BMERB1: variants seen among roughly 807,000 people sequenced by gnomAD.
The protein encoded by BMERB1 is bMERB domain containing 1.
In BMERB1, 12 loss-of-function variants were observed where a neutral mutation model predicts 23.6. That is an observed-to-expected ratio of 0.51 (90% CI 0.33 to 0.82). The LOEUF is 0.82. Ranked by LOEUF, BMERB1 falls within the 40% of genes least tolerant of loss-of-function variation. BMERB1 has a pLI of 0.03. For synonymous variants in BMERB1, 122 were observed against 96.6 expected, an observed-to-expected ratio of 1.26 and a Z score of -1.54; for missense variants, 247 against 255.4, an observed-to-expected ratio of 0.97 and a Z score of 0.22.
In BMERB1 at chr16:15,584,239, A is replaced by G. The variant is rs1417923558; in HGVS notation, c.502+1001A>G. ...TTTCTCAAATGTGTTTAACTGCTGTATTAGTGAGGCCTCTTTCAGTTAGAA... is the reference window on the plus strand; with the variant it reads ...TTTCTCAAATGTGTTTAACTGCTGTGTTAGTGAGGCCTCTTTCAGTTAGAA... On this transcript the variant is annotated intron_variant, in intron 5 of 5. Transcript: ENST00000300006. 10 of 553,150 alleles carry G rather than the reference A, an allele frequency of 1.8e-5. No homozygotes were observed. In the East Asian group the frequency reaches 2.1e-4, roughly 12 times the overall value. The allele number at this position is 553,150 out of a possible 1,614,324, so 34.3% of individuals were successfully genotyped here.
At chr16:15,491,771 A>G (rs1243182055) in intron 1 of BMERB1, among the ~76,000 whole-genome samples, 1 of 152,138 alleles carries the variant, frequency 6.6e-6, no homozygotes, top group Admixed American at 6.5e-5. Context: ...TCTGCTGGTC[A>G]TTCAGTGTCA....
intron 1 of BMERB1, among the ~76,000 whole-genome samples, chr16:15,505,192 T>C (rs1299175955): frequency 6.6e-6 from 1 of 152,098 alleles, no homozygotes; most frequent in African/African-American, 2.4e-5. Context: ...TTAAGACCTT[T>C]CCAACGCAAA....
chr16:15,452,298 AAAG>A (rs1220449942), intron 1 of BMERB1, among the ~76,000 whole-genome samples: 4 of 136,128 alleles, frequency 2.9e-5, no homozygotes, highest in Non-Finnish European at 4.8e-5. Flanking sequence ...AAAAAAAAGA[AAAG>A]AAGGAAGGAA....
chr16:15,549,779 G>T (rs1183149061), intron 2 of BMERB1, among the ~76,000 whole-genome samples: 1 of 152,142 alleles, frequency 6.6e-6, no homozygotes, highest in Non-Finnish European at 1.5e-5. Context: ...TCGCAGTAGG[G>T]AGTCCATGGT....
At chr16:15,443,716 G>A (rs569303338) in intron 1 of BMERB1, among the ~76,000 whole-genome samples, 53 of 152,098 alleles carry the variant, frequency 3.5e-4, no homozygotes, top group Admixed American at 1.2e-3. Flanking sequence ...TCAGGAGTTC[G>A]AGACCAGCCT....
At chr16:15,482,686 G>A (rs369944099) in intron 1 of BMERB1, among the ~76,000 whole-genome samples, 36 of 152,258 alleles carry the variant, frequency 2.4e-4, no homozygotes, top group African/African-American at 7.5e-4. Context: ...GGGGGCTGCC[G>A]TGTAGGATTC....
chr16:15,535,254 G>A (rs1468977853), intron 2 of BMERB1, among the ~76,000 whole-genome samples: 1 of 152,182 alleles, frequency 6.6e-6, no homozygotes, highest in Non-Finnish European at 1.5e-5. Context: ...TAGAGGCTGA[G>A]GTGGGAGGAT....
intron 3 of BMERB1, among the ~76,000 whole-genome samples, chr16:15,571,313 A>G (rs1356991160): frequency 6.6e-6 from 1 of 152,128 alleles, no homozygotes; most frequent in South Asian, 2.1e-4. Context: ...TCACTATACC[A>G]AAAGGAAAAG....
intron 1 of BMERB1, among the ~76,000 whole-genome samples, chr16:15,489,953 G>A (rs1463902334): frequency 2.0e-5 from 3 of 151,814 alleles, no homozygotes; most frequent in African/African-American, 4.8e-5. Context: ...TGCAAGCTAC[G>A]CCTCCCGGGT....
chr16:15,502,426 G>A, intron 1 of BMERB1: 1 of 1,450,102 alleles, frequency 6.9e-7, no homozygotes, highest in Non-Finnish European at 9.5e-7. Flanking sequence ...GAGGCAGGCT[G>A]GGAGAAATCG....
intron 1 of BMERB1, among the ~76,000 whole-genome samples, chr16:15,484,144 A>G (rs537316978): frequency 2.0e-5 from 3 of 152,316 alleles, no homozygotes; most frequent in Admixed American, 6.5e-5. Flanking sequence ...ACATGGCATG[A>G]AGCCATTCAC....
chr16:15,511,193 T>C (rs2051660042), intron 1 of BMERB1, among the ~76,000 whole-genome samples: 1 of 151,948 alleles, frequency 6.6e-6, no homozygotes, highest in Admixed American at 6.6e-5. Context: ...CATGAGACAT[T>C]TCCTACAAAT....
At chr16:15,570,976 C>T (rs1419629509) in intron 3 of BMERB1, among the ~76,000 whole-genome samples, 3 of 151,534 alleles carry the variant, frequency 2.0e-5, no homozygotes, top group Non-Finnish European at 4.4e-5. Context: ...TCACTTTCAT[C>T]GCCATCTTGG....
rs748229986 is a variant in BMERB1, at chr16:15,586,863, C to T, written c.*34C>T. On this transcript the variant is annotated 3_prime_UTR_variant, in exon 6 of 6. Transcript: ENST00000300006. ...TGGGGTGCCCTGGGCCATGGGGACCCCCCCCCACCCTCTTGTCTTTATAGC... is the reference window on the plus strand; with the variant it reads ...TGGGGTGCCCTGGGCCATGGGGACCTCCCCCCACCCTCTTGTCTTTATAGC... 13 of 1,353,236 alleles carry T rather than the reference C, an allele frequency of 9.6e-6. No homozygotes were observed. In the African/African-American group the frequency reaches 1.8e-4, roughly 18 times the overall value. 83.8% of individuals were successfully genotyped at this position (1,353,236 alleles called of 1,614,324 possible).
intron 2 of BMERB1, among the ~76,000 whole-genome samples, chr16:15,545,766 G>A (rs2150964396): frequency 6.6e-6 from 1 of 152,274 alleles, no homozygotes; most frequent in African/African-American, 2.4e-5. Context: ...CTGAGGAAGT[G>A]GGGGTGCTCC....
At chr16:15,512,646 A>C (rs1353433674) in intron 1 of BMERB1, among the ~76,000 whole-genome samples, 1 of 152,184 alleles carries the variant, frequency 6.6e-6, no homozygotes, top group Non-Finnish European at 1.5e-5. Context: ...TGGGAGGCCA[A>C]GGCAGGCTGA....
intron 1 of BMERB1, among the ~76,000 whole-genome samples, chr16:15,444,135 T>TG (rs1173215511): frequency 4.2e-5 from 5 of 119,730 alleles, no homozygotes; most frequent in African/African-American, 1.2e-4. Flanking sequence ...TTTTTTTTTT[T>TG]TTTTTTTTTT....
At chr16:15,493,156 C>T (rs1360047969) in intron 1 of BMERB1, among the ~76,000 whole-genome samples, 2 of 152,080 alleles carry the variant, frequency 1.3e-5, no homozygotes, top group Non-Finnish European at 2.9e-5. Context: ...AGTTCAAGAC[C>T]AGCCTGACCA....
chr16:15,508,719 G>C (rs997320408), intron 1 of BMERB1, among the ~76,000 whole-genome samples: 7 of 151,524 alleles, frequency 4.6e-5, no homozygotes, highest in African/African-American at 1.5e-4. Flanking sequence ...TCAGCTACTC[G>C]GGAGGCTGAA....
Sources: gnomAD v4.1 joint callset for allele counts (sites outside exome capture counted in the v4.1 genomes callset) on GRCh38, gnomAD v4.1.1 for gene constraint, MANE v1.5 for transcripts, NCBI Gene and HGNC (gene_info 2026-07-23, HGNC 2026-07-21) for gene names.